The following PCNX4 variants were observed in gnomAD, a reference collection of about 807,000 sequenced individuals.
PCNX4 encodes pecanex 4.
A neutral mutation model predicts 107.2 loss-of-function variants in PCNX4; 103 were observed. The ratio of observed to expected loss-of-function variants is 0.96; its 90% CI spans 0.82 to 1.13. PCNX4 has a LOEUF of 1.13. Ranked by LOEUF, PCNX4 falls within the 50% of genes most tolerant of loss-of-function variation. The pLI is 0.00. For missense variants in PCNX4, 1,528 were observed against 1,379.4 expected, an observed-to-expected ratio of 1.11 and a Z score of -1.71; for synonymous variants, 541 against 481.7, an observed-to-expected ratio of 1.12 and a Z score of -1.61.
In PCNX4 at chr14:60,134,693, G is replaced by A. The variant is rs1236769258; in HGVS notation, c.*472G>A. On this transcript the variant is annotated 3_prime_UTR_variant, in exon 11 of 11. Transcript: ENST00000406854. ...AATATAATTTATAGTATTTTCAAAT[G>A]TGCTGATTTATTTTGACATCTAATA... is the stretch of plus-strand genomic sequence containing the variant. 6.6e-6 allele frequency: 1 copy of A among 152,308 alleles called. No individual in the cohort carries two copies. The highest frequency in any genetic ancestry group is 1.9e-4 in the East Asian group (1 of 5,206). The allele number at this position is 152,308 out of a possible 1,614,324, so 9.4% of individuals were successfully genotyped here.
chr14:60,127,968 A>C (rs930193394), intron 10 of PCNX4, among the ~76,000 whole-genome samples: 7 of 152,190 alleles, frequency 4.6e-5, no homozygotes, highest in Non-Finnish European at 7.4e-5. Flanking sequence ...ATTCCACTAG[A>C]GGGGCTCAAC....
chr14:60,103,113 A>G (rs1043817776), intron 1 of PCNX4, among the ~76,000 whole-genome samples: 2 of 152,142 alleles, frequency 1.3e-5, no homozygotes, highest in Non-Finnish European at 2.9e-5. Context: ...AATTTCTCTG[A>G]TAGTTTTTTC....
At chr14:60,096,808 A>G (rs1409323450) in intron 1 of PCNX4, among the ~76,000 whole-genome samples, 3 of 152,240 alleles carry the variant, frequency 2.0e-5, no homozygotes, top group Admixed American at 6.5e-5. Flanking sequence ...AGTTGGCCAA[A>G]TGAAGGGGTG....
At chr14:60,127,759 A>G (rs551213773) in intron 10 of PCNX4, among the ~76,000 whole-genome samples, 2 of 152,330 alleles carry the variant, frequency 1.3e-5, no homozygotes, top group East Asian at 1.9e-4. Context: ...ATATCGGGGG[A>G]AAAAAGCAGA....
Position 60,124,489 on chromosome 14 carries a change from C to T in PCNX4, c.2318C>T (p.Ser773Phe). ...VLVWILVQYCSKRPGMKENVH... is the reference protein window; with the variant it reads ...VLVWILVQYCFKRPGMKENVH... ...GTGTGGATACTTGTTCAATACTGCT[C>T]CAAAAGGCCTGGCATGAAAGAGAAT... Residue 773 changes from serine to phenylalanine, a missense_variant, in exon 9 of 11, where the codon TCC becomes TTC. Ser to Phe is a radical substitution (Grantham distance 155). Transcript: ENST00000406854. 6.2e-7 allele frequency: 1 copy of T among 1,613,656 alleles called. No individual in the cohort carries two copies. The highest frequency in any genetic ancestry group is 8.5e-7 in the Non-Finnish European group (1 of 1,179,726).
At chr14:60,109,085 G>A (rs1895687133) in intron 2 of PCNX4, 1 of 166,998 alleles carries the variant, frequency 6.0e-6, no homozygotes, top group African/African-American at 2.4e-5. Context: ...TCCTTGGTAT[G>A]ATGGGACTAG....
intron 1 of PCNX4, among the ~76,000 whole-genome samples, chr14:60,100,324 G>T (rs1895505972): frequency 6.6e-6 from 1 of 152,104 alleles, no homozygotes; most frequent in Admixed American, 6.5e-5. Flanking sequence ...TTGAGACGGA[G>T]TTTCACTCTT....
rs1483232459 is a variant in PCNX4 at position 60,138,696 on chromosome 14, A to G, written c.*4475A>G. 6.6e-6 allele frequency: 1 copy of G among 152,160 alleles called. No individual in the cohort carries two copies. Among genetic ancestry groups the G allele is most frequent in the African/African-American group, 2.4e-5 (1 of 41,452 alleles). 9.4% of individuals were successfully genotyped at this position (152,160 alleles called of 1,614,324 possible). On this transcript the variant is annotated 3_prime_UTR_variant, in exon 11 of 11. Coordinates refer to ENST00000406854, the MANE Select transcript of PCNX4 (RefSeq NM_001330177.2). The stretch of plus-strand genomic sequence containing the variant: ...TCAAACGCAACAAATTTAATAGCAG[A>G]TTGTCATTAAAGGTGATAGTAAAGG...
At position 60,115,447 on chromosome 14, in the gene PCNX4, T is replaced by TTTTGCTAACTTTAGGTAG; in HGVS notation, c.1344_1357+4dup. On this transcript the variant is annotated inframe_insertion, in exon 4 of 11. Coordinates refer to ENST00000406854, the MANE Select transcript of PCNX4 (RefSeq NM_001330177.2). ...ATGAAGATTGGTATTGTCAGACGGA[T>TTTTGCTAACTTTAGGTAG]TTTGCTAACTTTAGGTAGGAAGATA... 6.6e-7 allele frequency: 1 copy of TTTTGCTAACTTTAGGTAG among 1,523,806 alleles called. No individual in the cohort carries two copies. Among genetic ancestry groups the TTTTGCTAACTTTAGGTAG allele is most frequent in the South Asian group, 1.3e-5 (1 of 76,930 alleles). The allele number at this position is 1,523,806 out of a possible 1,614,324, so 94.4% of individuals were successfully genotyped here. A position where few individuals can be genotyped will look rare whatever the true frequency, so the allele number is the denominator to read the frequency against.
At chr14:60,094,553 G>A (rs1895382692) in intron 1 of PCNX4, among the ~76,000 whole-genome samples, 1 of 151,978 alleles carries the variant, frequency 6.6e-6, no homozygotes, top group African/African-American at 2.4e-5. Context: ...CTGAAGGAAC[G>A]TCCCTATCAT....
In PCNX4 at chr14:60,124,486, G is replaced by T; in HGVS notation, c.2315G>T (p.Cys772Phe). Reference protein sequence around the residue: ...KVLVWILVQYCSKRPGMKENV... With the variant: ...KVLVWILVQYFSKRPGMKENV... Reference sequence around the variant, plus strand: ...CTTGTGTGGATACTTGTTCAATACTGCTCCAAAAGGCCTGGCATGAAAGAG... The same window carrying T: ...CTTGTGTGGATACTTGTTCAATACTTCTCCAAAAGGCCTGGCATGAAAGAG... The change falls in exon 9 of 11, where the codon TGC (cysteine) becomes TTC (phenylalanine). Residue 772 changes from cysteine to phenylalanine, a missense_variant. Cys to Phe is a radical substitution (Grantham distance 205). Transcript: ENST00000406854. 1 of 1,613,678 alleles carries T rather than the reference G, an allele frequency of 6.2e-7. No individual in the cohort carries two copies. Among genetic ancestry groups the T allele is most frequent in the Non-Finnish European group, 8.5e-7 (1 of 1,179,728 alleles).
At chr14:60,106,837 C>T (rs1895639468) in intron 1 of PCNX4, among the ~76,000 whole-genome samples, 2 of 152,242 alleles carry the variant, frequency 1.3e-5, no homozygotes, top group South Asian at 4.1e-4. Context: ...TAATACTTTG[C>T]TAGCTGGTTT....
rs190926750 is a variant in PCNX4, at chr14:60,143,916, A to C, written c.*9695A>C. 6.6e-6 allele frequency: 1 copy of C among 152,374 alleles called. No homozygotes were observed. The highest frequency in any genetic ancestry group is 2.4e-5 in the African/African-American group (1 of 41,602). 9.4% of individuals were successfully genotyped at this position (152,374 alleles called of 1,614,324 possible). On this transcript the variant is annotated 3_prime_UTR_variant, in exon 11 of 11. Transcript: ENST00000406854. ...GGTGTTAAATGTTAAAGTAAAATTA[A>C]TAATAGTAGAAGTAAGGAGTTGCCA...
Position 60,121,271 on chromosome 14 carries a change from G to A in PCNX4, c.2018G>A (p.Gly673Asp). The A allele has an allele frequency of 6.2e-7, 1 of 1,610,618 alleles. No individual in the cohort carries two copies. Among genetic ancestry groups the A allele is most frequent in the Non-Finnish European group, 8.5e-7 (1 of 1,178,406 alleles). Residue 673 changes from glycine to aspartate, a missense_variant, in exon 8 of 11, where the codon GGC (glycine) becomes GAC (aspartate). Coordinates refer to ENST00000406854, the MANE Select transcript of PCNX4 (RefSeq NM_001330177.2). ...ATGTGGATAATGATTCTGGAATGTG[G>A]CTATACTTACTGCTCTATTAACATT... ...RLMWIMILEC[G>D]YTYCSINIKG...
At chr14:60,094,201 TGTCTTGTGAAAGG>T (rs889253625) in intron 1 of PCNX4, among the ~76,000 whole-genome samples, 1 of 152,178 alleles carries the variant, frequency 6.6e-6, no homozygotes, top group African/African-American at 2.4e-5. Context: ...GTTTCTCACT[TGTCTTGTGAAAGG>T]GTACTGGATA....
At chr14:60,112,473 A>T (rs1015376550) in intron 2 of PCNX4, among the ~76,000 whole-genome samples, 24 of 152,330 alleles carry the variant, frequency 1.6e-4, no homozygotes, top group African/African-American at 5.8e-4. Flanking sequence ...TAACCACAAT[A>T]ATGATCCATT....
At chr14:60,121,712 C>T (rs1284119556) in intron 8 of PCNX4, among the ~76,000 whole-genome samples, 2 of 152,054 alleles carry the variant, frequency 1.3e-5, no homozygotes, top group East Asian at 3.8e-4. Context: ...CTTATTAGAG[C>T]TGTTTATAAT....
In PCNX4 at chr14:60,115,185, A is replaced by G. The variant is rs1372961853; in HGVS notation, c.1081A>G (p.Ile361Val). The G allele has an allele frequency of 6.2e-7, 1 of 1,613,482 alleles. No homozygotes were observed. The change falls in exon 4 of 11, where the codon ATT becomes GTT. Residue 361 changes from isoleucine (I) to valine (V), a missense_variant. Physicochemically the swap from Ile to Val is conservative, Grantham distance 29. Transcript: ENST00000406854. ...ATGGAAGGAATGCCTTTTCTACATC[A>G]TTATATTAGTCTTGGCTCTTTTAGA... ...FSWKECLFYIIILVLALLETS... is the reference protein window; with the variant it reads ...FSWKECLFYIVILVLALLETS...
chr14:60,114,587 T>C, intron 2 of PCNX4, 113 bp from the exon 3 acceptor site: 2 of 717,808 alleles, frequency 2.8e-6, no homozygotes, highest in Admixed American at 7.9e-5. Flanking sequence ...GGTGTGTGTG[T>C]GTGGTTTTTT....
Sources: gnomAD v4.1 joint callset for allele counts (sites outside exome capture counted in the v4.1 genomes callset) on GRCh38, gnomAD v4.1.1 for gene constraint, MANE v1.5 for transcripts, NCBI Gene and HGNC (gene_info 2026-07-23, HGNC 2026-07-21) for gene names.